PNPT1: variants seen among roughly 807,000 people sequenced by gnomAD.
The protein encoded by PNPT1 is polyribonucleotide nucleotidyltransferase 1, also known as polyribonucleotide nucleotidyltransferase 1, mitochondrial.
A neutral mutation model predicts 119.5 loss-of-function variants in PNPT1; 53 were observed. The observed-to-expected ratio is 0.44, with a 90% CI of 0.36 to 0.56. PNPT1 has a LOEUF of 0.56. Ranked by LOEUF, PNPT1 falls within the 20% of genes least tolerant of loss-of-function variation. PNPT1 has a pLI of 0.00. For synonymous variants in PNPT1, 357 were observed against 322.1 expected (o/e 1.11, Z -1.16); for missense variants, 948 against 938.5 (o/e 1.01, Z -0.13).
At chr2:55,663,324 GA>G (rs1244495037) in intron 13 of PNPT1, among the ~76,000 whole-genome samples, 1 of 152,218 alleles carries the variant, frequency 6.6e-6, no homozygotes, top group Non-Finnish European at 1.5e-5. Flanking sequence ...TGAATGAACA[GA>G]AATTGCCCAA....
At chr2:55,686,281 T>C (rs774166734) in intron 3 of PNPT1, 89 bp downstream of exon 3, 4 of 1,190,390 alleles carry the variant, frequency 3.4e-6, no homozygotes, top group African/African-American at 1.5e-5. Context: ...GTTTGTATTT[T>C]CCACTCACTA....
At chr2:55,671,414 G>T (rs566689023) in intron 10 of PNPT1, 38 bp from the exon 11 acceptor site, 46 of 1,220,796 alleles carry the variant, frequency 3.8e-5, no homozygotes, top group Non-Finnish European at 4.7e-5. Flanking sequence ...ACATATACAT[G>T]ACAACATTTA....
At chr2:55,679,589 C>T (rs183495514) in intron 8 of PNPT1, 93 bp downstream of exon 8, 62 of 888,684 alleles carry the variant, frequency 7.0e-5, no homozygotes, top group African/African-American at 3.3e-4. Context: ...TTATGGCTAC[C>T]GACAAAACAT....
At chr2:55,651,635 T>C (rs1042023871) in intron 18 of PNPT1, among the ~76,000 whole-genome samples, 8 of 150,910 alleles carry the variant, frequency 5.3e-5, no homozygotes, top group Non-Finnish European at 8.9e-5. Flanking sequence ...ACACAAACAC[T>C]GCGGAAGGCC....
At chr2:55,661,861 A>G in intron 14 of PNPT1, 95 bp downstream of exon 14, 1 of 1,202,854 alleles carries the variant, frequency 8.3e-7, no homozygotes, top group Non-Finnish European at 1.1e-6. Context: ...ACACAGGTTA[A>G]AAAAAGTAAC....
At position 55,634,522 on chromosome 2, in the gene PNPT1, A is replaced by C. The variant is rs1695605029; in HGVS notation, c.*1715T>G. The C allele has an allele frequency of 6.6e-6, 1 of 150,406 alleles. No homozygotes were observed. The highest frequency in any genetic ancestry group is 1.5e-5 in the Non-Finnish European group (1 of 67,864). The allele number at this position is 150,406 out of a possible 1,614,324, so 9.3% of individuals were successfully genotyped here. Reference sequence around the variant, plus strand: ...TGTAATCCACCCGCCTCGGCCTCCCAAAGTGCTGGAATTACAGGCATGAGC... The same window carrying C: ...TGTAATCCACCCGCCTCGGCCTCCCCAAGTGCTGGAATTACAGGCATGAGC... On this transcript the variant is annotated 3_prime_UTR_variant, in exon 28 of 28. Transcript: ENST00000447944.
intron 10 of PNPT1, among the ~76,000 whole-genome samples, chr2:55,671,587 G>C (rs956368133): frequency 6.6e-6 from 1 of 152,130 alleles, no homozygotes; most frequent in African/African-American, 2.4e-5. Flanking sequence ...ATATTAAAAA[G>C]AAAAGAACTT....
At chr2:55,651,997 G>T (rs1208951262) in intron 18 of PNPT1, among the ~76,000 whole-genome samples, 2 of 150,468 alleles carry the variant, frequency 1.3e-5, no homozygotes, top group African/African-American at 4.9e-5. Flanking sequence ...TCTTAACTTT[G>T]CACATGCTGG....
At chr2:55,651,010 C>T (rs1332282829) in intron 18 of PNPT1, among the ~76,000 whole-genome samples, 1 of 148,688 alleles carries the variant, frequency 6.7e-6, no homozygotes, top group African/African-American at 2.5e-5. Flanking sequence ...TCTGCCCGGC[C>T]GCCCCTACTG....
At chr2:55,636,440 G>A (rs756073331) in intron 27 of PNPT1, 48 bp from the exon 28 acceptor site, 3 of 1,582,108 alleles carry the variant, frequency 1.9e-6, no homozygotes, top group Non-Finnish European at 1.7e-6. Context: ...CACATTGAGT[G>A]ACATCTAAAC....
intron 1 of PNPT1, among the ~76,000 whole-genome samples, chr2:55,690,983 T>C (rs1697579558): frequency 6.6e-6 from 1 of 152,250 alleles, no homozygotes; most frequent in Non-Finnish European, 1.5e-5. Flanking sequence ...TCTTGAAATT[T>C]TGTTTAACCC....
At chr2:55,677,198 C>A (rs370509875) in intron 8 of PNPT1, among the ~76,000 whole-genome samples, 1 of 152,316 alleles carries the variant, frequency 6.6e-6, no homozygotes, top group Middle Eastern at 3.4e-3. Flanking sequence ...GAAATTTATG[C>A]GCTCTAGAGT....
intron 13 of PNPT1, among the ~76,000 whole-genome samples, chr2:55,663,225 C>G (rs539713107): frequency 3.3e-5 from 5 of 152,068 alleles, no homozygotes; most frequent in African/African-American, 1.2e-4. Context: ...ACTCAAAGGA[C>G]ATAAAAAAGA....
At chr2:55,668,452 G>T (rs2104111691) in intron 11 of PNPT1, among the ~76,000 whole-genome samples, 1 of 152,274 alleles carries the variant, frequency 6.6e-6, no homozygotes, top group Admixed American at 6.5e-5. Flanking sequence ...GGCCCAGGCT[G>T]CTCTTGAACT....
In PNPT1 at chr2:55,683,878, T is replaced by C. The variant is rs994501894; in HGVS notation, c.404-44A>G. ...ACACATTAAACCGTACTGACAGAGT[T>C]GCTTTACAGTTCAAAACGTTTGAAC... On this transcript the variant is annotated intron_variant, in intron 4 of 27. Coordinates refer to ENST00000447944, the MANE Select transcript of PNPT1 (RefSeq NM_033109.5). 5 of 1,584,532 alleles carry C rather than the reference T, an allele frequency of 3.2e-6. No homozygotes were observed. The Admixed American group carries it at 6.8e-5, about 22-fold the overall frequency.
intron 11 of PNPT1, among the ~76,000 whole-genome samples, chr2:55,670,101 G>C (rs992272430): frequency 1.3e-5 from 2 of 151,520 alleles, no homozygotes; most frequent in Admixed American, 6.6e-5. Context: ...GAGTATATTT[G>C]TCTATTAGAA....
At chr2:55,669,910 C>T (rs1348410906) in intron 11 of PNPT1, among the ~76,000 whole-genome samples, 11 of 151,948 alleles carry the variant, frequency 7.2e-5, no homozygotes, top group Admixed American at 7.2e-4. Flanking sequence ...AGGAGCCTGC[C>T]ACCATGCCCG....
At chr2:55,643,795 G>A (rs1212356964) in intron 23 of PNPT1, among the ~76,000 whole-genome samples, 1 of 151,972 alleles carries the variant, frequency 6.6e-6, no homozygotes. Context: ...AAAAATAGAT[G>A]TGAGAATAGG....
chr2:55,650,639 C>G (rs562259918), intron 18 of PNPT1, among the ~76,000 whole-genome samples: 4 of 150,832 alleles, frequency 2.7e-5, no homozygotes, highest in East Asian at 2.0e-4. Context: ...TCTGCCCGGC[C>G]GCCCATCGTC....
Sources: allele counts gnomAD v4.1 joint callset (sites outside exome capture counted in the v4.1 genomes callset), GRCh38; gene constraint gnomAD v4.1.1; transcripts MANE v1.5; gene names NCBI Gene and HGNC (gene_info 2026-07-23, HGNC 2026-07-21).